DHX29: variants seen among roughly 807,000 people sequenced by gnomAD.
The protein encoded by DHX29 is ATP-dependent RNA helicase DHX29.
DHX29 carries 79 observed loss-of-function variants against 167.9 expected under a neutral mutation model. The ratio of observed to expected loss-of-function variants is 0.47; its 90% CI spans 0.39 to 0.57. The LOEUF (loss-of-function observed/expected upper bound fraction) is 0.57. Ranked by LOEUF, DHX29 falls within the 20% of genes least tolerant of loss-of-function variation. The probability of loss-of-function intolerance (pLI) is 0.00; values close to 1 mark genes in which losing one functional copy is unlikely to be tolerated. For synonymous variants in DHX29, 530 were observed against 546.0 expected (o/e 0.97, Z 0.41); for missense variants, 1,347 against 1,593.4 (o/e 0.85, Z 2.63).
At chr5:55,295,157 C>G (rs768854754) in intron 5 of DHX29, 13 of 462,556 alleles carry the variant, frequency 2.8e-5, no homozygotes, top group Non-Finnish European at 4.6e-5. Context: ...GAGCCCAGCA[C>G]AGACTGCAGA....
intron 1 of DHX29, among the ~76,000 whole-genome samples, chr5:55,302,939 G>T (rs1310078739): frequency 6.6e-6 from 1 of 152,094 alleles, no homozygotes; most frequent in Non-Finnish European, 1.5e-5. Context: ...AATCTGACTG[G>T]AAGTAAGGAT....
At chr5:55,303,606 T>C (rs887254495) in intron 1 of DHX29, among the ~76,000 whole-genome samples, 4 of 152,248 alleles carry the variant, frequency 2.6e-5, no homozygotes, top group Admixed American at 6.5e-5. Context: ...GAACTTGCTC[T>C]GGCTCCTTCC....
At position 55,269,484 on chromosome 5, in the gene DHX29, C is replaced by G. The variant is rs1190387494; in HGVS notation, c.3223G>C (p.Ala1075Pro). The G allele has an allele frequency of 6.2e-7, 1 of 1,613,924 alleles. No homozygotes were observed. The highest frequency in any genetic ancestry group is 2.2e-5 in the East Asian group (1 of 44,882). ...KLTPLGQHLA[A>P]LPVNVKIGKM... Reference sequence around the variant, plus strand: ...CCAATCTTGACATTCACAGGTAAAGCTGCAAGGTGTTGGCCCAACGGAGTC... The same window carrying G: ...CCAATCTTGACATTCACAGGTAAAGGTGCAAGGTGTTGGCCCAACGGAGTC... Residue 1075 changes from alanine to proline, a missense_variant, in exon 21 of 27, where the codon GCT becomes CCT. Transcript: ENST00000251636.
intron 8 of DHX29, among the ~76,000 whole-genome samples, chr5:55,286,601 GC>G (rs1407535322): frequency 1.3e-5 from 2 of 152,108 alleles, no homozygotes; most frequent in African/African-American, 4.8e-5. Flanking sequence ...ACTATTCTTT[GC>G]CTATTTGTTG....
At chr5:55,277,721 C>T (rs1376255344) in intron 12 of DHX29, among the ~76,000 whole-genome samples, 21 of 151,924 alleles carry the variant, frequency 1.4e-4, no homozygotes. Flanking sequence ...GCCTGGCCAA[C>T]ATGACGAAAC....
chr5:55,268,191 T>C, intron 21 of DHX29, among the ~76,000 whole-genome samples: 1 of 152,234 alleles, frequency 6.6e-6, no homozygotes, highest in East Asian at 1.9e-4. Context: ...CTGGGAATCC[T>C]AACTCAGTTA....
At chr5:55,270,986 C>T (rs1211249784) in intron 18 of DHX29, among the ~76,000 whole-genome samples, 1 of 152,086 alleles carries the variant, frequency 6.6e-6, no homozygotes, top group Non-Finnish European at 1.5e-5. Context: ...AGTAGAATAC[C>T]TATTAATTAT....
chr5:55,290,153 T>A, intron 7 of DHX29, 65 bp downstream of exon 7: 1 of 1,542,420 alleles, frequency 6.5e-7, no homozygotes, highest in East Asian at 2.3e-5. Flanking sequence ...GCATCATCCA[T>A]CCCAGGAAGG....
At chr5:55,296,132 AAT>A in intron 4 of DHX29, 86 bp downstream of exon 4, 2 of 1,353,074 alleles carry the variant, frequency 1.5e-6, no homozygotes, top group East Asian at 4.8e-5. Context: ...ACAGTGAAAA[AAT>A]ATGAGTATGA....
intron 21 of DHX29, among the ~76,000 whole-genome samples, chr5:55,268,091 AGG>A (rs1746672898): frequency 6.6e-6 from 1 of 151,964 alleles, no homozygotes; most frequent in African/African-American, 2.4e-5. Flanking sequence ...CCTTTCTGTG[AGG>A]TAAGGAGGCA....
At chr5:55,297,465 C>T (rs1748383414) in intron 2 of DHX29, 67 bp from the exon 3 acceptor site, 1 of 735,136 alleles carries the variant, frequency 1.4e-6, no homozygotes. Flanking sequence ...GCCAATCATA[C>T]AGTTTTCTAT....
chr5:55,304,104 C>T (rs1001620080), intron 1 of DHX29, among the ~76,000 whole-genome samples: 1 of 151,834 alleles, frequency 6.6e-6, no homozygotes, highest in African/African-American at 2.4e-5. Context: ...AGTGGCACTT[C>T]TAAAGCACAG....
intron 14 of DHX29, 83 bp downstream of exon 14, chr5:55,276,183 T>TA: frequency 8.2e-7 from 1 of 1,217,430 alleles, no homozygotes; most frequent in Non-Finnish European, 1.1e-6. Context: ...TTCACTGTGT[T>TA]AACCACATGA....
chr5:55,272,014 T>G (rs1644885725), intron 18 of DHX29, 73 bp downstream of exon 18: 1 of 852,838 alleles, frequency 1.2e-6, no homozygotes, highest in Admixed American at 3.2e-5. Flanking sequence ...ATTTTAGGAT[T>G]TCTCCCAAGA....
chr5:55,286,051 G>A (rs747633098), intron 8 of DHX29, among the ~76,000 whole-genome samples, 190 bp from the exon 9 acceptor site: 7 of 151,960 alleles, frequency 4.6e-5, no homozygotes, highest in Non-Finnish European at 7.4e-5. Flanking sequence ...TCAGGAGATC[G>A]AGACCATCCT....
At chr5:55,288,949 C>CTGATGTCAGTAGGCTCACAGCCATT (rs1747889718) in intron 8 of DHX29, among the ~76,000 whole-genome samples, 3 of 152,262 alleles carry the variant, frequency 2.0e-5, no homozygotes, top group Admixed American at 1.3e-4. Flanking sequence ...GGACTTGTTA[C>CTGATGTCAGTAGGCTCACAGCCATT]TGATGTCAGT....
At chr5:55,291,470 T>C (rs866493437) in intron 6 of DHX29, among the ~76,000 whole-genome samples, 3 of 152,182 alleles carry the variant, frequency 2.0e-5, no homozygotes, top group Admixed American at 6.5e-5. Flanking sequence ...TACTTGGCAA[T>C]GATACCACCA....
chr5:55,307,629 C>T lies in DHX29; in HGVS notation c.-56G>A. 1 of 1,588,374 alleles carries T rather than the reference C, an allele frequency of 6.3e-7. No individual in the cohort carries two copies. Among genetic ancestry groups the T allele is most frequent in the Admixed American group, 1.8e-5 (1 of 56,486 alleles). The stretch of plus-strand genomic sequence containing the variant: ...CCCAGGCCCCGACGGTACCACTGCA[C>T]AGCCGAGAGCTCTTCACATTCCCCG... On this transcript the variant is annotated 5_prime_UTR_variant, in exon 1 of 27. It adds an upstream start codon to the 5' untranslated region. Transcript: ENST00000251636.
chr5:55,257,280 C>T (rs1374006848), intron 26 of DHX29, among the ~76,000 whole-genome samples: 4 of 152,062 alleles, frequency 2.6e-5, no homozygotes, highest in Non-Finnish European at 5.9e-5. Context: ...TCTACATTTA[C>T]GTTAGATACT....
Sources: gnomAD v4.1 joint callset for allele counts (sites outside exome capture counted in the v4.1 genomes callset) on GRCh38, gnomAD v4.1.1 for gene constraint, MANE v1.5 for transcripts, NCBI Gene and HGNC (gene_info 2026-07-23, HGNC 2026-07-21) for gene names.